ITGA2: variants seen among roughly 807,000 people sequenced by gnomAD.
ITGA2 encodes integrin alpha-2.
Under a neutral mutation model 146.3 loss-of-function variants are expected in ITGA2, and 101 were observed. The ratio of observed to expected loss-of-function variants is 0.69; its 90% CI spans 0.59 to 0.81. The LOEUF (loss-of-function observed/expected upper bound fraction) is 0.81. Ranked by LOEUF, ITGA2 falls within the 40% of genes least tolerant of loss-of-function variation. The probability of loss-of-function intolerance (pLI) is 0.00; values close to 1 mark genes in which losing one functional copy is unlikely to be tolerated. For synonymous variants in ITGA2, 477 were observed against 487.1 expected, an observed-to-expected ratio of 0.98 and a Z score of 0.27; for missense variants, 1,281 against 1,402.7, an observed-to-expected ratio of 0.91 and a Z score of 1.39.
chr5:53,004,894 GTTTTTTTTTT>G (rs548541753), intron 1 of ITGA2, among the ~76,000 whole-genome samples: 2,024 of 55,890 alleles, frequency 0.036, 44 homozygotes, highest in African/African-American at 0.046. Flanking sequence ...TAGTTGCTTT[GTTTTTTTTTT>G]TTTTTTTTTT....
At chr5:53,026,692 G>T in intron 1 of ITGA2, 56 bp from the exon 2 acceptor site, 1 of 1,491,634 alleles carries the variant, frequency 6.7e-7, no homozygotes, top group Non-Finnish European at 9.3e-7. Context: ...AGAATTATAC[G>T]ACACACTTAT....
chr5:53,049,351 T>C (rs924114255), intron 6 of ITGA2, among the ~76,000 whole-genome samples: 1 of 152,176 alleles, frequency 6.6e-6, no homozygotes. Flanking sequence ...TTCCTGTCTT[T>C]CCCTTCTAAC....
At chr5:53,036,416 C>G (rs1743495282) in intron 2 of ITGA2, among the ~76,000 whole-genome samples, 1 of 152,176 alleles carries the variant, frequency 6.6e-6, no homozygotes, top group Admixed American at 6.5e-5. Context: ...TCTATCATTA[C>G]CAGTAGGACT....
chr5:53,042,782 G>A (rs1407897420), intron 3 of ITGA2, among the ~76,000 whole-genome samples: 1 of 152,078 alleles, frequency 6.6e-6, no homozygotes, highest in Non-Finnish European at 1.5e-5. Flanking sequence ...ACATTTCCAT[G>A]TAATATGCTG....
At chr5:53,015,063 T>A (rs921270910) in intron 1 of ITGA2, among the ~76,000 whole-genome samples, 1 of 152,160 alleles carries the variant, frequency 6.6e-6, no homozygotes, top group Non-Finnish European at 1.5e-5. Context: ...AATTTGTTGA[T>A]CTTTTTTATG....
In ITGA2 at chr5:53,057,710, T is replaced by C. The variant is rs905378219; in HGVS notation, c.1097-315T>C. 3.9e-5 allele frequency among the ~76,000 whole-genome samples: 6 copies of C among 151,950 alleles called. No individual in the cohort carries two copies. The East Asian group carries it at 5.8e-4, about 15-fold the overall frequency. Reference sequence around the variant, plus strand: ...TCATCTCAGTTTTCACCTTACCTTATACCCTTTGTTGAGTGTCCTTTGGTA... The same window carrying C: ...TCATCTCAGTTTTCACCTTACCTTACACCCTTTGTTGAGTGTCCTTTGGTA... On this transcript the variant is annotated intron_variant, in intron 9 of 29. Transcript: ENST00000296585.
chr5:53,084,412 A>C (rs1579909246), intron 27 of ITGA2, among the ~76,000 whole-genome samples: 1 of 152,028 alleles, frequency 6.6e-6, no homozygotes, highest in East Asian at 1.9e-4. Flanking sequence ...CCTGCTATAG[A>C]GTTTTGTAAA....
At chr5:53,047,645 A>G (rs1286938094) in intron 4 of ITGA2, among the ~76,000 whole-genome samples, 4 of 152,186 alleles carry the variant, frequency 2.6e-5, no homozygotes, top group Non-Finnish European at 5.9e-5. Context: ...AAATTAGGGA[A>G]TCTGGCAACA....
chr5:53,000,390 T>C (rs1741503936), intron 1 of ITGA2, among the ~76,000 whole-genome samples: 1 of 152,216 alleles, frequency 6.6e-6, no homozygotes. Flanking sequence ...ATTTGTGGTA[T>C]AAACCCAAGT....
intron 12 of ITGA2, 45 bp downstream of exon 12, chr5:53,061,091 T>C: frequency 6.3e-7 from 1 of 1,596,826 alleles, no homozygotes; most frequent in Non-Finnish European, 8.6e-7. Flanking sequence ...TAGGGGCAAC[T>C]GGGCAGGTGG....
chr5:53,029,650 C>T (rs991063772), intron 2 of ITGA2, among the ~76,000 whole-genome samples: 1 of 152,214 alleles, frequency 6.6e-6, no homozygotes, highest in Admixed American at 6.5e-5. Context: ...TTAGTACTAT[C>T]TTAAATGATC....
At chr5:53,087,278 C>G (rs148775375) in intron 28 of ITGA2, among the ~76,000 whole-genome samples, 1 of 152,210 alleles carries the variant, frequency 6.6e-6, no homozygotes, top group East Asian at 1.9e-4. Flanking sequence ...GCTGGCTTTC[C>G]TAGAGGTGGT....
chr5:52,998,303 A>G (rs1206508480), intron 1 of ITGA2, among the ~76,000 whole-genome samples: 1 of 152,008 alleles, frequency 6.6e-6, no homozygotes, highest in South Asian at 2.1e-4. Flanking sequence ...AATACAAAAA[A>G]ATTAGCCAGG....
chr5:53,011,741 G>A (rs1046305374), intron 1 of ITGA2, among the ~76,000 whole-genome samples: 3 of 151,884 alleles, frequency 2.0e-5, no homozygotes, highest in Non-Finnish European at 4.4e-5. Flanking sequence ...GTGAGTGGGG[G>A]GGAGTGAGGG....
chr5:53,012,847 T>G (rs1489355578), intron 1 of ITGA2, among the ~76,000 whole-genome samples: 2 of 152,164 alleles, frequency 1.3e-5, no homozygotes, highest in Non-Finnish European at 2.9e-5. Context: ...TCTCTAAAGA[T>G]CAATGGTGTG....
intron 4 of ITGA2, among the ~76,000 whole-genome samples, chr5:53,047,958 A>G (rs1241002122): frequency 6.6e-6 from 1 of 152,202 alleles, no homozygotes; most frequent in Non-Finnish European, 1.5e-5. Context: ...TAAAAGATAG[A>G]ATGTGTGGTT....
rs1236656209 is a variant in ITGA2, at chr5:53,094,314, C to CTAT, written c.*3717_*3719dup. The CTAT allele has an allele frequency of 6.6e-6, 1 of 152,132 alleles. No homozygotes were observed. The highest frequency in any genetic ancestry group is 1.5e-5 in the Non-Finnish European group (1 of 68,008). The allele number at this position is 152,132 out of a possible 1,614,324, so 9.4% of individuals were successfully genotyped here. ...AGTATGAAATAGGTGAAAATCTTAA[C>CTAT]TATTTCTTTGAACTCTAAAGACTGA... On this transcript the variant is annotated 3_prime_UTR_variant, in exon 30 of 30. Transcript: ENST00000296585.
intron 21 of ITGA2, among the ~76,000 whole-genome samples, chr5:53,074,773 C>A (rs984153904): frequency 6.6e-6 from 1 of 151,932 alleles, no homozygotes; most frequent in African/African-American, 2.4e-5. Context: ...CATTTATTAA[C>A]CCCTAGTAAC....
chr5:53,026,246 A>C (rs765570051), intron 1 of ITGA2, among the ~76,000 whole-genome samples: 2 of 152,192 alleles, frequency 1.3e-5, no homozygotes, highest in Non-Finnish European at 2.9e-5. Flanking sequence ...GATGTTTCAT[A>C]TAGAGTCCAT....
Sources: gnomAD v4.1 joint callset for allele counts (sites outside exome capture counted in the v4.1 genomes callset) on GRCh38, gnomAD v4.1.1 for gene constraint, MANE v1.5 for transcripts, NCBI Gene and HGNC (gene_info 2026-07-23, HGNC 2026-07-21) for gene names.